Variants in TMEM131L observed in about 807,000 individuals in gnomAD.
TMEM131L encodes the protein transmembrane protein 131-like.
A neutral mutation model predicts 192.2 loss-of-function variants in TMEM131L; 54 were observed. The ratio of observed to expected loss-of-function variants is 0.28; its 90% confidence interval spans 0.23 to 0.35. TMEM131L has a LOEUF of 0.35. Ranked by LOEUF, TMEM131L falls within the 10% of genes least tolerant of loss-of-function variation. The pLI is 1.00. For missense variants in TMEM131L, 1,888 were observed against 1,972.9 expected, an observed-to-expected ratio of 0.96 and a Z score of 0.82; for synonymous variants, 701 against 704.9, an observed-to-expected ratio of 0.99 and a Z score of 0.09.
chr4:153,555,942 C>T lies in TMEM131L; in HGVS notation c.432+32C>T, dbSNP rs200481448. Reference sequence around the variant, plus strand: ...GTTGATGGACTCCTGGAAACTATGCCGTGGCAGGCAGCCAGGTTTTCTTGC... The same window carrying T: ...GTTGATGGACTCCTGGAAACTATGCTGTGGCAGGCAGCCAGGTTTTCTTGC... On this transcript the variant is annotated intron_variant, in intron 5 of 34. Coordinates refer to ENST00000409959, the MANE Select transcript of TMEM131L (RefSeq NM_001131007.2). The surrounding 1 kb of genome is among the most constrained non-coding windows in gnomAD (Gnocchi z 4.1). The T allele has an allele frequency of 1.5e-4, 226 of 1,542,260 alleles. 1 individual carries two copies. The highest frequency in any genetic ancestry group is 1.8e-4 in the Non-Finnish European group (202 of 1,141,804).
intron 7 of TMEM131L, among the ~76,000 whole-genome samples, chr4:153,571,440 G>A (rs149028904): frequency 3.9e-5 from 6 of 152,318 alleles, no homozygotes; most frequent in Non-Finnish European, 7.4e-5. Flanking sequence ...CCAGGTTTGT[G>A]TAAGGCTTGG....
intron 31 of TMEM131L, among the ~76,000 whole-genome samples, chr4:153,629,900 C>G (rs913508198): frequency 2.6e-5 from 4 of 152,166 alleles, no homozygotes; most frequent in Non-Finnish European, 5.9e-5. Flanking sequence ...TGATCTCATC[C>G]ACTTTCAAAG....
intron 28 of TMEM131L, 45 bp from the exon 29 acceptor site, chr4:153,622,853 T>C (rs1435470496): frequency 6.3e-7 from 1 of 1,587,388 alleles, no homozygotes; most frequent in East Asian, 2.2e-5. Flanking sequence ...ATGCATGAGG[T>C]TGACAGTTGT....
rs1303165911 is a variant in TMEM131L, at chr4:153,604,535, GT to G, written c.3418+109del. The G allele has an allele frequency of 1.7e-5, 19 of 1,146,290 alleles. No homozygotes were observed. The East Asian group carries it at 4.4e-4, about 26-fold the overall frequency. The allele number at this position is 1,146,290 out of a possible 1,614,324, so 71.0% of individuals were successfully genotyped here. ...CGTTAGTTTTAATTGTGGATGCTGA[GT>G]TTTAGCAAAGGTTTAAATATTGAAA... On this transcript the variant is annotated intron_variant, in intron 25 of 34. Transcript: ENST00000409959.
At chr4:153,631,449 A>G (rs1245831691) in intron 31 of TMEM131L, among the ~76,000 whole-genome samples, 1 of 149,604 alleles carries the variant, frequency 6.7e-6, no homozygotes, top group Non-Finnish European at 1.5e-5. Flanking sequence ...TATCTAATAT[A>G]GGGGTGACTC....
intron 31 of TMEM131L, among the ~76,000 whole-genome samples, chr4:153,630,282 G>A (rs1008147172): frequency 2.6e-5 from 4 of 152,264 alleles, no homozygotes; most frequent in African/African-American, 9.6e-5. Context: ...TATTAACAGC[G>A]GCTGTCCACA....
chr4:153,550,905 A>G (rs1737571165), intron 4 of TMEM131L, among the ~76,000 whole-genome samples: 1 of 152,188 alleles, frequency 6.6e-6, no homozygotes, highest in African/African-American at 2.4e-5. Flanking sequence ...ACTTTACAGT[A>G]TCATGTAAAG....
At chr4:153,484,953 A>G (rs1732215384) in intron 3 of TMEM131L, among the ~76,000 whole-genome samples, 1 of 148,862 alleles carries the variant, frequency 6.7e-6, no homozygotes, top group African/African-American at 2.5e-5. Context: ...CCCCGTCTCT[A>G]CTAAAAATAC....
chr4:153,533,695 T>G (rs1295711197), intron 3 of TMEM131L, among the ~76,000 whole-genome samples: 1 of 152,212 alleles, frequency 6.6e-6, no homozygotes, highest in Non-Finnish European at 1.5e-5. Context: ...ATGATCCACC[T>G]GATCAGGCAA....
chr4:153,491,523 T>C (rs550410625), intron 3 of TMEM131L, among the ~76,000 whole-genome samples: 160 of 152,334 alleles, frequency 1.1e-3, no homozygotes, highest in African/African-American at 3.5e-3. Flanking sequence ...GACTTAACTT[T>C]TAGTCATGTA....
chr4:153,493,517 G>T lies in TMEM131L; in HGVS notation c.239+19629G>T, dbSNP rs147112165. Among the ~76,000 whole-genome samples, 516 of 151,974 alleles carry T rather than the reference G, an allele frequency of 3.4e-3. 2 individuals are homozygous for T. Among genetic ancestry groups the T allele is most frequent in the African/African-American group, 0.012 (478 of 41,412 alleles). Reference sequence around the variant, plus strand: ...CTACTAAAAATACAAAAAATTAGCCGGGCATGGCGGTGCGCACTGGTAATC... The same window carrying T: ...CTACTAAAAATACAAAAAATTAGCCTGGCATGGCGGTGCGCACTGGTAATC... On this transcript the variant is annotated intron_variant, in intron 3 of 34. Coordinates refer to ENST00000409959, the MANE Select transcript of TMEM131L (RefSeq NM_001131007.2).
At chr4:153,527,927 G>A (rs1411388298) in intron 3 of TMEM131L, among the ~76,000 whole-genome samples, 2 of 151,982 alleles carry the variant, frequency 1.3e-5, no homozygotes, top group Non-Finnish European at 2.9e-5. Flanking sequence ...CCTCTTTTTT[G>A]GTACTATATG....
intron 3 of TMEM131L, among the ~76,000 whole-genome samples, chr4:153,541,461 C>T (rs1264862782): frequency 6.6e-6 from 1 of 152,178 alleles, no homozygotes; most frequent in Non-Finnish European, 1.5e-5. Context: ...TTCAGCTGGG[C>T]AGGTAGGCCA....
intron 3 of TMEM131L, among the ~76,000 whole-genome samples, chr4:153,489,778 ATT>A (rs879823028): frequency 9.5e-5 from 14 of 147,220 alleles, no homozygotes; most frequent in African/African-American, 3.5e-4. Context: ...GCCTGGCCCA[ATT>A]TTTTTTTTTT....
chr4:153,494,082 G>A (rs1732988794), intron 3 of TMEM131L, among the ~76,000 whole-genome samples: 1 of 152,088 alleles, frequency 6.6e-6, no homozygotes, highest in Non-Finnish European at 1.5e-5. Context: ...TGGCTTTCCA[G>A]CTATGTGATC....
At chr4:153,616,357 G>C (rs577255227) in intron 26 of TMEM131L, among the ~76,000 whole-genome samples, 2 of 151,878 alleles carry the variant, frequency 1.3e-5, no homozygotes, top group Admixed American at 6.6e-5. Context: ...CCATTTCATT[G>C]TTCATTTGGC....
intron 3 of TMEM131L, among the ~76,000 whole-genome samples, chr4:153,520,459 A>T (rs1056324335): frequency 9.9e-5 from 15 of 152,162 alleles, no homozygotes; most frequent in African/African-American, 3.6e-4. Context: ...ACAGAGTGAG[A>T]TCCTGTCTCT....
At chr4:153,481,047 G>T (rs1206314871) in intron 3 of TMEM131L, among the ~76,000 whole-genome samples, 1 of 152,126 alleles carries the variant, frequency 6.6e-6, no homozygotes, top group African/African-American at 2.4e-5. Flanking sequence ...CGAAGTGCAG[G>T]GTCCTGAGCA....
rs1279027307 is a variant in TMEM131L, at chr4:153,473,864, T to C, written c.215T>C (p.Leu72Pro). Residue 72 changes from leucine to proline, a missense_variant, in exon 3 of 35, where the codon CTG (leucine) becomes CCG (proline). Transcript: ENST00000409959. ...CAATAGGGTGATTCTGAAGAGGGTC[T>C]GGAGGAGCCTTCTCAAGAACAGAGG... ...LPTQGDSEEG[L>P]EEPSQEQSFS... The C allele has an allele frequency of 3.2e-6, 5 of 1,546,070 alleles. No homozygotes were observed. Among genetic ancestry groups the C allele is most frequent in the Non-Finnish European group, 4.4e-6 (5 of 1,144,826 alleles).
Sources: allele counts gnomAD v4.1 joint callset (sites outside exome capture counted in the v4.1 genomes callset), GRCh38; gene constraint gnomAD v4.1.1; non-coding constraint Gnocchi (gnomAD v3.1); transcripts MANE v1.5; gene names NCBI Gene and HGNC (gene_info 2026-07-23, HGNC 2026-07-21).